Variants in CUEDC1 observed in about 807,000 individuals in gnomAD.
CUEDC1 encodes CUE domain containing 1.
CUEDC1 carries 30 observed loss-of-function variants against 43.7 expected under a neutral mutation model. The ratio of observed to expected loss-of-function variants is 0.69; its 90% CI spans 0.51 to 0.93. CUEDC1 has a LOEUF of 0.93. Ranked by LOEUF, CUEDC1 falls within the 40% of genes least tolerant of loss-of-function variation. The pLI is 0.00. For synonymous variants in CUEDC1, 223 were observed against 223.6 expected (o/e 1.00, Z 0.02); for missense variants, 486 against 549.0 (o/e 0.89, Z 1.15).
intron 2 of CUEDC1, among the ~76,000 whole-genome samples, chr17:57,884,422 T>G (rs1245821753): frequency 6.6e-6 from 1 of 152,012 alleles, no homozygotes; most frequent in Non-Finnish European, 1.5e-5. Flanking sequence ...GGTCTCGAAC[T>G]CCTGAACTCA....
chr17:57,866,804 A>G (rs2073965639), intron 9 of CUEDC1: 1 of 493,100 alleles, frequency 2.0e-6, no homozygotes, highest in Non-Finnish European at 3.7e-6. Context: ...TTCCTCATCT[A>G]TAAAATGGGA....
At chr17:57,942,435 C>T (rs1247575808) in intron 1 of CUEDC1, among the ~76,000 whole-genome samples, 1 of 152,038 alleles carries the variant, frequency 6.6e-6, no homozygotes, top group East Asian at 1.9e-4. Context: ...GTCGCCCAGG[C>T]TGGAGTACAG....
intron 1 of CUEDC1, among the ~76,000 whole-genome samples, chr17:57,901,999 C>T (rs544182918): frequency 1.8e-4 from 27 of 152,106 alleles, no homozygotes; most frequent in African/African-American, 6.5e-4. Flanking sequence ...CATGGTGAAA[C>T]CCCATCTCTA....
In CUEDC1 at chr17:57,919,965, C is replaced by T. The variant is rs144504329; in HGVS notation, c.-315-34086G>A. 3.9e-3 allele frequency among the ~76,000 whole-genome samples: 595 copies of T among 152,290 alleles called. 3 individuals carry two copies. The highest frequency in any genetic ancestry group is 0.014 in the African/African-American group (578 of 41,556). Reference sequence around the variant, plus strand: ...GACAATATTAATAACTAACATTTATCGAGCGCTCACTATGTGCCAGGCACT... The same window carrying T: ...GACAATATTAATAACTAACATTTATTGAGCGCTCACTATGTGCCAGGCACT... On this transcript the variant is annotated intron_variant, in intron 1 of 10. Transcript: ENST00000577830.
intron 1 of CUEDC1, among the ~76,000 whole-genome samples, chr17:57,927,949 G>A (rs149415962): frequency 2.4e-3 from 361 of 152,296 alleles, no homozygotes; most frequent in African/African-American, 8.3e-3. Flanking sequence ...AGGTTAACAA[G>A]CCCACAAGTA....
chr17:57,952,766 G>T (rs998431291), intron 1 of CUEDC1, among the ~76,000 whole-genome samples: 2 of 152,166 alleles, frequency 1.3e-5, no homozygotes, highest in Non-Finnish European at 2.9e-5. Context: ...GTGCTCTCTA[G>T]TTAAACAAAG....
rs745561399 is a variant in CUEDC1 at position 57,872,653 on chromosome 17, C to A, written c.784+10G>T. The A allele has an allele frequency of 6.2e-7, 1 of 1,612,884 alleles. No homozygotes were observed. Among genetic ancestry groups the A allele is most frequent in the Non-Finnish European group, 8.5e-7 (1 of 1,179,858 alleles). ...TCAGCCAGGGAGAAGTGGCTGCAGG[C>A]GCTGCCCACCTCTCTCCAGAGCGAG... On this transcript the variant is annotated intron_variant, in intron 5 of 10. Coordinates refer to ENST00000577830, the MANE Select transcript of CUEDC1 (RefSeq NM_001271875.2).
intron 2 of CUEDC1, among the ~76,000 whole-genome samples, chr17:57,881,961 G>A (rs1470678469): frequency 6.6e-6 from 1 of 152,160 alleles, no homozygotes; most frequent in African/African-American, 2.4e-5. Context: ...TGGCCTCCCT[G>A]GCCTCTCCCT....
intron 4 of CUEDC1, among the ~76,000 whole-genome samples, 179 bp downstream of exon 4, chr17:57,873,412 G>A (rs185430130): frequency 1.4e-4 from 21 of 152,314 alleles, no homozygotes; most frequent in Middle Eastern, 3.4e-3. Context: ...AAACCTCCAG[G>A]CCCAGGCAGG....
chr17:57,891,446 T>C (rs1283588646), intron 1 of CUEDC1, among the ~76,000 whole-genome samples: 2 of 152,130 alleles, frequency 1.3e-5, no homozygotes, highest in Non-Finnish European at 2.9e-5. Context: ...ACAGCTACCA[T>C]ACCCTCCCTA....
chr17:57,893,222 A>G (rs939008556), intron 1 of CUEDC1, among the ~76,000 whole-genome samples: 1 of 152,160 alleles, frequency 6.6e-6, no homozygotes, highest in African/African-American at 2.4e-5. Context: ...TTCTCGGCCA[A>G]TTGTCACCTC....
At chr17:57,899,260 C>T (rs977041659) in intron 1 of CUEDC1, among the ~76,000 whole-genome samples, 2 of 152,168 alleles carry the variant, frequency 1.3e-5, no homozygotes, top group South Asian at 2.1e-4. Flanking sequence ...GCTGCACCCC[C>T]CCAACCACAG....
In CUEDC1 at chr17:57,873,622, C is replaced by A; in HGVS notation, c.560G>T (p.Arg187Leu). 1 of 1,599,736 alleles carries A rather than the reference C, an allele frequency of 6.3e-7. No homozygotes were observed. The highest frequency in any genetic ancestry group is 1.3e-5 in the African/African-American group (1 of 74,472). The change falls in exon 4 of 11, where the codon CGC becomes CTC. Residue 187 changes from arginine to leucine, a missense_variant. Coordinates refer to ENST00000577830, the MANE Select transcript of CUEDC1 (RefSeq NM_001271875.2). Reference protein sequence around the residue: ...LLGNLPDDFLRILPQQLDSIQ... With the variant: ...LLGNLPDDFLLILPQQLDSIQ... The stretch of plus-strand genomic sequence containing the variant: ...GCTGTCCAGCTGCTGGGGCAGGATG[C>A]GGAGAAAGTCATCCGGAAGGTTGCC...
intron 9 of CUEDC1, 80 bp from the exon 10 acceptor site, chr17:57,866,624 G>GT: frequency 4.2e-6 from 6 of 1,414,320 alleles, no homozygotes; most frequent in Non-Finnish European, 5.0e-6. Context: ...GGGCAAGAGA[G>GT]CTGACCCGAC....
At chr17:57,946,703 C>T (rs1012793865) in intron 1 of CUEDC1, among the ~76,000 whole-genome samples, 7 of 152,136 alleles carry the variant, frequency 4.6e-5, no homozygotes, top group Admixed American at 2.6e-4. Context: ...AAAATCCACC[C>T]GGCCCAGGCA....
chr17:57,937,909 G>GA (rs1195679311), intron 1 of CUEDC1, among the ~76,000 whole-genome samples: 1 of 151,902 alleles, frequency 6.6e-6, no homozygotes, highest in Non-Finnish European at 1.5e-5. Flanking sequence ...CTAGTCTCAA[G>GA]AAAAACTAAA....
intron 1 of CUEDC1, among the ~76,000 whole-genome samples, chr17:57,893,240 G>A (rs1234529123): frequency 6.6e-6 from 1 of 152,228 alleles, no homozygotes; most frequent in Non-Finnish European, 1.5e-5. Context: ...CTCAGAGCGG[G>A]TGGGGTGCAG....
intron 1 of CUEDC1, among the ~76,000 whole-genome samples, chr17:57,893,885 G>A (rs909793035): frequency 1.3e-5 from 2 of 152,162 alleles, no homozygotes; most frequent in Non-Finnish European, 2.9e-5. Flanking sequence ...CACGAGATCA[G>A]GAGTTCAAGA....
chr17:57,944,902 G>A (rs982751571), intron 1 of CUEDC1, among the ~76,000 whole-genome samples: 5 of 152,104 alleles, frequency 3.3e-5, no homozygotes, highest in Admixed American at 6.5e-5. Context: ...CATATTCCAC[G>A]AAAACACACC....
Sources: gnomAD v4.1 joint callset for allele counts (sites outside exome capture counted in the v4.1 genomes callset) on GRCh38, gnomAD v4.1.1 for gene constraint, MANE v1.5 for transcripts, NCBI Gene and HGNC (gene_info 2026-07-23, HGNC 2026-07-21) for gene names.